Variants in GOPC observed in about 807,000 individuals in gnomAD.
GOPC encodes golgi associated PDZ and coiled-coil motif containing, also known as Golgi-associated PDZ and coiled-coil motif-containing protein.
Under a neutral mutation model 51.2 loss-of-function variants are expected in GOPC, and 32 were observed. The ratio of observed to expected loss-of-function variants is 0.63; its 90% CI spans 0.47 to 0.84. The LOEUF (loss-of-function observed/expected upper bound fraction) is 0.84. Ranked by LOEUF, GOPC falls within the 40% of genes least tolerant of loss-of-function variation. The pLI, the probability that GOPC is intolerant of heterozygous loss-of-function variation, is 0.00. For synonymous variants in GOPC, 190 were observed against 205.1 expected (o/e 0.93, Z 0.63); for missense variants, 441 against 555.5 (o/e 0.79, Z 2.07).
chr6:117,582,461 C>CT (rs1392304450), intron 1 of GOPC, among the ~76,000 whole-genome samples: 1 of 151,754 alleles, frequency 6.6e-6, no homozygotes, highest in Non-Finnish European at 1.5e-5. Flanking sequence ...TGAAAAAGGT[C>CT]TTTTTACCAA....
chr6:117,601,242 A>G (rs1200599314), intron 1 of GOPC, among the ~76,000 whole-genome samples: 2 of 152,184 alleles, frequency 1.3e-5, no homozygotes, highest in East Asian at 3.8e-4. Context: ...GCACAATATG[A>G]TATTTTTGTT....
chr6:117,593,331 A>G (rs1212623381), intron 1 of GOPC, among the ~76,000 whole-genome samples: 1 of 151,864 alleles, frequency 6.6e-6, no homozygotes, highest in Non-Finnish European at 1.5e-5. Flanking sequence ...AGTAGCTGTT[A>G]TTACAAAATC....
intron 1 of GOPC, among the ~76,000 whole-genome samples, chr6:117,596,146 T>C (rs1192124325): frequency 6.6e-6 from 1 of 152,120 alleles, no homozygotes; most frequent in Non-Finnish European, 1.5e-5. Flanking sequence ...CCTCTGATCA[T>C]TAGTGTTGTT....
At chr6:117,570,133 A>G (rs1779777782) in intron 6 of GOPC, among the ~76,000 whole-genome samples, 6 of 151,944 alleles carry the variant, frequency 3.9e-5, no homozygotes. Context: ...AGTATTTGGT[A>G]CCTATCACTC....
At chr6:117,574,527 C>T (rs1779850713) in intron 4 of GOPC, among the ~76,000 whole-genome samples, 1 of 151,956 alleles carries the variant, frequency 6.6e-6, no homozygotes, top group Admixed American at 6.6e-5. Context: ...AAAAGAATTC[C>T]TTATGGAAGT....
chr6:117,601,982 G>C (rs1562151207), intron 1 of GOPC, 22 bp downstream of exon 1: 4 of 1,609,542 alleles, frequency 2.5e-6, no homozygotes, highest in Non-Finnish European at 3.4e-6. Flanking sequence ...GGATGCCATA[G>C]CCGCCAGCAC....
chr6:117,563,341 G>T lies in GOPC; in HGVS notation c.1302C>A (p.Asp434Glu), dbSNP rs762873808. The T allele has an allele frequency of 3.7e-6, 6 of 1,613,178 alleles. No individual in the cohort carries two copies. Among genetic ancestry groups the T allele is most frequent in the Non-Finnish European group, 5.1e-6 (6 of 1,179,366 alleles). ...GCGGAGTTTCACTTGCAGTGCCCAGGTCTCCATTTTCATGTGTGTCAGTTA... is the reference window on the plus strand; with the variant it reads ...GCGGAGTTTCACTTGCAGTGCCCAGTTCTCCATTTTCATGTGTGTCAGTTA... Reference protein sequence around the residue: ...KAVTDTHENGDLGTASETPLD... With the variant: ...KAVTDTHENGELGTASETPLD... The change falls in exon 9 of 9, where the codon GAC (aspartate) becomes GAA (glutamate). Residue 434 changes from aspartate (D) to glutamate (E), a missense_variant. Physicochemically the swap from Asp to Glu is conservative, Grantham distance 45. Around this residue, in one of 3 missense-constraint regions of GOPC, gnomAD observed 71 missense variants for 68.8 expected, o/e 1.03. Coordinates refer to ENST00000368498, the MANE Select transcript of GOPC (RefSeq NM_020399.4).
intron 7 of GOPC, among the ~76,000 whole-genome samples, chr6:117,567,840 G>C (rs1051263942): frequency 6.6e-6 from 1 of 151,910 alleles, no homozygotes; most frequent in Non-Finnish European, 1.5e-5. Context: ...TATTATGCTA[G>C]ACTAACTGTG....
chr6:117,575,697 T>A (rs897693776), intron 3 of GOPC, among the ~76,000 whole-genome samples: 1 of 152,186 alleles, frequency 6.6e-6, no homozygotes, highest in Non-Finnish European at 1.5e-5. Flanking sequence ...AGGACCCCAA[T>A]AGACATTTTA....
chr6:117,561,242 CAT>C lies in GOPC; in HGVS notation c.*2010_*2011del, dbSNP rs952771106. 6.3e-5 allele frequency: 14 copies of C among 223,172 alleles called. No homozygotes were observed. Among genetic ancestry groups the C allele is most frequent in the African/African-American group, 2.5e-4 (11 of 44,778 alleles). 13.8% of individuals were successfully genotyped at this position (223,172 alleles called of 1,614,324 possible). On this transcript the variant is annotated 3_prime_UTR_variant, in exon 9 of 9. Coordinates refer to ENST00000368498, the MANE Select transcript of GOPC (RefSeq NM_020399.4). ...AATTCTTCAAATTACACAGTGACCT[CAT>C]AAAAATTCCAACTTGAAGTTTTAAA...
At chr6:117,571,414 C>T (rs1349320268) in intron 5 of GOPC, among the ~76,000 whole-genome samples, 1 of 152,088 alleles carries the variant, frequency 6.6e-6, no homozygotes, top group Non-Finnish European at 1.5e-5. Flanking sequence ...AAATAAAGGG[C>T]CTTGATCCAC....
At chr6:117,578,361 C>T (rs1327172314) in intron 2 of GOPC, among the ~76,000 whole-genome samples, 5 of 152,000 alleles carry the variant, frequency 3.3e-5, no homozygotes, top group Non-Finnish European at 4.4e-5. Context: ...TTGCCCTTTC[C>T]TTAGATTAAT....
chr6:117,597,505 T>G (rs1780214119), intron 1 of GOPC, among the ~76,000 whole-genome samples: 1 of 152,208 alleles, frequency 6.6e-6, no homozygotes, highest in African/African-American at 2.4e-5. Context: ...ACTATTCCAA[T>G]CAATGCCTAT....
chr6:117,589,593 T>C (rs1167346654), intron 1 of GOPC, among the ~76,000 whole-genome samples: 1 of 152,210 alleles, frequency 6.6e-6, no homozygotes, highest in Non-Finnish European at 1.5e-5. Context: ...GTGTTGGGAT[T>C]ACAGGCGTGA....
At chr6:117,599,555 T>C (rs1193838416) in intron 1 of GOPC, among the ~76,000 whole-genome samples, 1 of 152,212 alleles carries the variant, frequency 6.6e-6, no homozygotes, top group Non-Finnish European at 1.5e-5. Flanking sequence ...ACAAGTTGAC[T>C]GTAACTGAAA....
intron 2 of GOPC, among the ~76,000 whole-genome samples, chr6:117,577,916 T>C (rs909994828): frequency 6.6e-6 from 1 of 152,088 alleles, no homozygotes; most frequent in African/African-American, 2.4e-5. Flanking sequence ...ACATCAGTAC[T>C]AGGAACTAAT....
chr6:117,574,998 G>A (rs553035839), intron 4 of GOPC, among the ~76,000 whole-genome samples, 179 bp downstream of exon 4: 1 of 152,252 alleles, frequency 6.6e-6, no homozygotes, highest in African/African-American at 2.4e-5. Context: ...AGAATCGCTT[G>A]AACCCAGGAG....
chr6:117,563,441 G>T, intron 8 of GOPC, 57 bp from the exon 9 acceptor site: 4 of 1,547,064 alleles, frequency 2.6e-6, no homozygotes, highest in East Asian at 2.2e-5. Context: ...GTTGGTTTTG[G>T]TCAGGTGCAG....
At chr6:117,563,993 T>C (rs910582730) in intron 8 of GOPC, among the ~76,000 whole-genome samples, 1 of 151,726 alleles carries the variant, frequency 6.6e-6, no homozygotes, top group Non-Finnish European at 1.5e-5. Flanking sequence ...CTTTTTTTTT[T>C]CTGAGACAGG....
Sources: allele counts gnomAD v4.1 joint callset (sites outside exome capture counted in the v4.1 genomes callset), GRCh38; gene constraint gnomAD v4.1.1; regional missense constraint gnomAD v4.1.1; transcripts MANE v1.5; gene names NCBI Gene and HGNC (gene_info 2026-07-23, HGNC 2026-07-21).